The following SHMT2 variants were observed in gnomAD, a reference collection of about 807,000 sequenced individuals.
The protein encoded by SHMT2 is serine hydroxymethyltransferase 2, also known as serine hydroxymethyltransferase, mitochondrial.
SHMT2 carries 38 observed loss-of-function variants against 59.6 expected under a neutral mutation model. That is an observed-to-expected ratio of 0.64 (90% CI 0.49 to 0.84). SHMT2 has a LOEUF of 0.84. Among genes scored for constraint, SHMT2 ranks in the 40% least tolerant of loss-of-function variants. The probability of loss-of-function intolerance (pLI) is 0.00; values close to 1 mark genes in which losing one functional copy is unlikely to be tolerated. For synonymous variants in SHMT2, 254 were observed against 258.1 expected (o/e 0.98, Z 0.15); for missense variants, 533 against 659.5 (o/e 0.81, Z 2.10).
intron 1 of SHMT2, 163 bp downstream of exon 1, chr12:57,229,974 C>A: frequency 6.9e-7 from 1 of 1,451,384 alleles, no homozygotes; most frequent in Admixed American, 2.6e-5. Flanking sequence ...GACCCCTGGG[C>A]GCGCGTGGAG....
rs2037453356 is a variant in SHMT2 at position 57,234,124 on chromosome 12, A to G, written c.1387+14A>G. ...AGAGCAAGACTGGTGAGTGAGCAAG[A>G]AGGAGCCCCGGGCCAGCCAGTTCCC... On this transcript the variant is annotated intron_variant, in intron 11 of 11. Transcript: ENST00000328923. 6.2e-7 allele frequency: 1 copy of G among 1,614,038 alleles called. No homozygotes were observed. The highest frequency in any genetic ancestry group is 8.5e-7 in the Non-Finnish European group (1 of 1,179,928).
At chr12:57,233,465 G>A in intron 8 of SHMT2, 98 bp from the exon 9 acceptor site, 9 of 1,510,310 alleles carry the variant, frequency 6.0e-6, no homozygotes, top group Non-Finnish European at 1.8e-6. Flanking sequence ...AGGAGTCAAG[G>A]CTGGGGTCAC....
intron 9 of SHMT2, 24 bp from the exon 10 acceptor site, chr12:57,233,725 C>T (rs779766238): frequency 3.1e-6 from 5 of 1,613,314 alleles, no homozygotes; most frequent in Middle Eastern, 1.6e-4. Context: ...GGACTCACCA[C>T]TCCCCATTTC....
chr12:57,230,578 A>AGGTGC (rs2037271613), intron 1 of SHMT2: 70 of 1,405,120 alleles, frequency 5.0e-5, no homozygotes, highest in Non-Finnish European at 6.5e-5. Context: ...GAGATTTCTG[A>AGGTGC]GGTGCGGTGC....
intron 1 of SHMT2, chr12:57,230,338 A>G: frequency 8.8e-7 from 1 of 1,140,448 alleles, no homozygotes; most frequent in Non-Finnish European, 1.1e-6. Flanking sequence ...ACGGACTGCT[A>G]AAGGTCTCCC....
At chr12:57,231,055 A>G in intron 2 of SHMT2, 55 bp downstream of exon 2, 2 of 1,537,250 alleles carry the variant, frequency 1.3e-6, no homozygotes, top group Admixed American at 3.4e-5. Flanking sequence ...AGGAAGTAAC[A>G]AAGTTATCTT....
intron 2 of SHMT2, 87 bp downstream of exon 2, chr12:57,231,087 C>A: frequency 1.5e-6 from 2 of 1,299,698 alleles, no homozygotes; most frequent in East Asian, 4.7e-5. Flanking sequence ...CTCCAAAACC[C>A]CCTTTCACAC....
At chr12:57,232,609 C>T (rs2037371829) in intron 6 of SHMT2, 34 bp downstream of exon 6, 1 of 1,613,434 alleles carries the variant, frequency 6.2e-7, no homozygotes, top group African/African-American at 1.3e-5. Context: ...GGGCACCTCC[C>T]CAGGGGGTGG....
intron 5 of SHMT2, 61 bp from the exon 6 acceptor site, chr12:57,232,389 TAAG>T: frequency 6.2e-7 from 1 of 1,613,914 alleles, no homozygotes; most frequent in Non-Finnish European, 8.5e-7. Context: ...TCCTTAGGGT[TAAG>T]GAGGAGAGTG....
Position 57,234,704 on chromosome 12 carries a change from T to TA in SHMT2, c.*344dup, listed in dbSNP as rs1403469170. ...GGGTAGGCACCCTCCTTCCTGTTTTTATCTAATAAAATGCTAACCTGCCCT... is the reference window on the plus strand; with the variant it reads ...GGGTAGGCACCCTCCTTCCTGTTTTTAATCTAATAAAATGCTAACCTGCCCT... On this transcript the variant is annotated 3_prime_UTR_variant, in exon 12 of 12. Transcript: ENST00000328923. 2 of 187,920 alleles carry TA rather than the reference T, an allele frequency of 1.1e-5. No individual in the cohort carries two copies. The highest frequency in any genetic ancestry group is 2.2e-5 in the Non-Finnish European group (2 of 91,588). 11.6% of individuals were successfully genotyped at this position (187,920 alleles called of 1,614,324 possible).
chr12:57,233,737 T>C lies in SHMT2; in HGVS notation c.1124-12T>C. On this transcript the variant is annotated splice_polypyrimidine_tract_variant and intron_variant, in intron 9 of 11. Transcript: ENST00000328923. ...CCAGGACTCACCACTCCCCATTTCT[T>C]ACCCACCTTAGGTGGTACTGACAAC... is the stretch of plus-strand genomic sequence containing the variant. 2 of 1,613,892 alleles carry C rather than the reference T, an allele frequency of 1.2e-6. No homozygotes were observed. Among genetic ancestry groups the C allele is most frequent in the Non-Finnish European group, 1.7e-6 (2 of 1,179,836 alleles).
Position 57,233,227 on chromosome 12 carries a change from A to C in SHMT2, c.905A>C (p.Lys302Thr), listed in dbSNP as rs769217458. The C allele has an allele frequency of 1.2e-6, 2 of 1,604,686 alleles. No individual in the cohort carries two copies. Among genetic ancestry groups the C allele is most frequent in the African/African-American group, 2.7e-5 (2 of 74,652 alleles). ...YRKGVKAVDPKTGREIPYTFE... is the reference protein window; with the variant it reads ...YRKGVKAVDPTTGREIPYTFE... ...AAAGGGGTGAAGGCTGTGGACCCCA[A>C]GACTGGCCGGGAGATCCCTTACACA... The change falls in exon 8 of 12, where the codon AAG becomes ACG. Residue 302 changes from lysine to threonine, a missense_variant. Physicochemically the swap from Lys to Thr is moderately conservative, Grantham distance 78. Coordinates refer to ENST00000328923, the MANE Select transcript of SHMT2 (RefSeq NM_005412.6).
rs779295620 is a variant in SHMT2, at chr12:57,234,330, C to T, written c.1484C>T (p.Ala495Val). 6.8e-6 allele frequency: 11 copies of T among 1,610,592 alleles called. No individual in the cohort carries two copies. Among genetic ancestry groups the T allele is most frequent in the Non-Finnish European group, 9.3e-6 (11 of 1,178,352 alleles). The change falls in exon 12 of 12, where the codon GCC (alanine) becomes GTC (valine). Residue 495 changes from alanine (A) to valine (V), a missense_variant. Transcript: ENST00000328923. ...LRQRVEQFAR[A>V]FPMPGFDEH ...CAACGGGTGGAGCAGTTTGCCAGGG[C>T]CTTCCCCATGCCTGGTTTTGATGAG...
rs28365864 is a variant in SHMT2 at position 57,229,824 on chromosome 12, C to T, written c.33+13C>T. 6.6e-5 allele frequency: 106 copies of T among 1,614,146 alleles called. 1 individual carries two copies. In the East Asian group the frequency reaches 2.2e-3, roughly 34 times the overall value. On this transcript the variant is annotated intron_variant, in intron 1 of 11. Transcript: ENST00000328923. ...TTGGGCGGCTCGGGTAAGAATGGGG[C>T]TCCAAACGCTGGGTAATCAGTGGAA...
In SHMT2 at chr12:57,232,579, G is replaced by A; in HGVS notation, c.717+4G>A. The A allele has an allele frequency of 1.2e-6, 2 of 1,614,110 alleles. No individual in the cohort carries two copies. Among genetic ancestry groups the A allele is most frequent in the Non-Finnish European group, 1.7e-6 (2 of 1,180,000 alleles). On this transcript the variant is annotated splice_donor_region_variant and intron_variant, in intron 6 of 11. Transcript: ENST00000328923. Reference sequence around the variant, plus strand: ...TGACTACGCCCGCATGAGAGAGGTTGGTGGGGGGGGCTGGAGACTGGGCAC... The same window carrying A: ...TGACTACGCCCGCATGAGAGAGGTTAGTGGGGGGGGCTGGAGACTGGGCAC...
At position 57,231,330 on chromosome 12, in the gene SHMT2, G is replaced by A. The variant is rs952373130; in HGVS notation, c.232-151G>A. 66 of 789,078 alleles carry A rather than the reference G, an allele frequency of 8.4e-5. No homozygotes were observed. The Middle Eastern group carries it at 3.3e-3, about 40-fold the overall frequency. 48.9% of individuals were successfully genotyped at this position (789,078 alleles called of 1,614,324 possible). A position where few individuals can be genotyped will look rare whatever the true frequency, so the allele number is the denominator to read the frequency against. ...TGGCAGATGGGTTTCTGAGAATGCT[G>A]CCTCTGGCTTTGCCCCAGGCCTGGT... On this transcript the variant is annotated intron_variant, in intron 2 of 11. Coordinates refer to ENST00000328923, the MANE Select transcript of SHMT2 (RefSeq NM_005412.6).
chr12:57,229,716 T>C lies in SHMT2; in HGVS notation c.-63T>C, dbSNP rs1296625911. On this transcript the variant is annotated 5_prime_UTR_variant, in exon 1 of 12. Transcript: ENST00000328923. ...GCATGCGTTCTCCGAACGGTCTTCT[T>C]CCGACAGCTTGCTGCCCTAGACCAG... 2.5e-6 allele frequency: 4 copies of C among 1,606,894 alleles called. No individual in the cohort carries two copies. In the East Asian group the frequency reaches 8.9e-5, roughly 36 times the overall value.
At chr12:57,232,865 C>A in intron 7 of SHMT2, 22 bp downstream of exon 7, 2 of 1,595,640 alleles carry the variant, frequency 1.3e-6, no homozygotes, top group South Asian at 1.1e-5. Context: ...TGAGGTCGGG[C>A]CTTGCCTTTC....
chr12:57,229,896 T>G (rs550806525), intron 1 of SHMT2, 85 bp downstream of exon 1: 32 of 1,574,798 alleles, frequency 2.0e-5, no homozygotes, highest in Admixed American at 3.6e-5. Flanking sequence ...ACTCTGGGGT[T>G]CTCTTGGCTT....
Sources: allele counts gnomAD v4.1 joint callset, GRCh38; gene constraint gnomAD v4.1.1; transcripts MANE v1.5; gene names NCBI Gene and HGNC (gene_info 2026-07-23, HGNC 2026-07-21).